PITPNC1: variants seen among roughly 807,000 people sequenced by gnomAD.
PITPNC1 encodes phosphatidylinositol transfer protein cytoplasmic 1, also known as cytoplasmic phosphatidylinositol transfer protein 1.
In PITPNC1, 18 loss-of-function variants were observed where a neutral mutation model predicts 44.7. The observed-to-expected ratio is 0.40, with a 90% CI of 0.28 to 0.60. PITPNC1 has a LOEUF of 0.60. PITPNC1 is among the 20% of genes least tolerant of loss of function. The probability of loss-of-function intolerance (pLI) is 0.39; values close to 1 mark genes in which losing one functional copy is unlikely to be tolerated. For missense variants in PITPNC1, 290 were observed against 418.4 expected, an observed-to-expected ratio of 0.69 and a Z score of 2.68; for synonymous variants, 141 against 149.6, an observed-to-expected ratio of 0.94 and a Z score of 0.42.
intron 4 of PITPNC1, among the ~76,000 whole-genome samples, chr17:67,572,789 C>T (rs2041080588): frequency 1.1e-5 from 1 of 94,896 alleles, no homozygotes; most frequent in African/African-American, 5.0e-5. Flanking sequence ...AGGAAGTTTT[C>T]CAGGGAAGGG....
chr17:67,401,146 G>T (rs1285494463), intron 1 of PITPNC1, among the ~76,000 whole-genome samples: 5 of 152,142 alleles, frequency 3.3e-5, no homozygotes, highest in African/African-American at 1.2e-4. Context: ...TATTGGCCAG[G>T]CTGGTCTCAA....
chr17:67,505,006 T>A (rs1415656663), intron 1 of PITPNC1, among the ~76,000 whole-genome samples: 1 of 152,244 alleles, frequency 6.6e-6, no homozygotes, highest in Non-Finnish European at 1.5e-5. Context: ...CATTGGTTAT[T>A]TGTGTGTGTT....
At chr17:67,648,775 T>C (rs1328087058) in intron 6 of PITPNC1, among the ~76,000 whole-genome samples, 1 of 152,012 alleles carries the variant, frequency 6.6e-6, no homozygotes, top group Non-Finnish European at 1.5e-5. Flanking sequence ...TTGTAGTCAT[T>C]GGGAGTATAC....
At chr17:67,473,222 A>T (rs1006242914) in intron 1 of PITPNC1, among the ~76,000 whole-genome samples, 1 of 151,644 alleles carries the variant, frequency 6.6e-6, no homozygotes, top group Non-Finnish European at 1.5e-5. Context: ...ATTTTTAGAG[A>T]TAGAGTCTCA....
At chr17:67,669,695 G>A (rs374301213) in intron 7 of PITPNC1, 32 bp downstream of exon 7, 72 of 1,524,586 alleles carry the variant, frequency 4.7e-5, no homozygotes, top group Non-Finnish European at 6.0e-5. Context: ...CCTGGGCTGT[G>A]GACAAGGTAA....
chr17:67,387,299 G>A (rs1442762496), intron 1 of PITPNC1, among the ~76,000 whole-genome samples: 1 of 152,092 alleles, frequency 6.6e-6, no homozygotes, highest in Admixed American at 6.6e-5. Flanking sequence ...CAAACTCATG[G>A]GTTTACAAGT....
At chr17:67,442,846 C>T (rs999770417) in intron 1 of PITPNC1, among the ~76,000 whole-genome samples, 2 of 151,910 alleles carry the variant, frequency 1.3e-5, no homozygotes, top group Non-Finnish European at 2.9e-5. Flanking sequence ...CAGAGCAAGA[C>T]TCTGTCCCAG....
intron 1 of PITPNC1, among the ~76,000 whole-genome samples, chr17:67,471,212 T>TAAAAAAAAAATGTAA (rs1481200348): frequency 1.1e-5 from 1 of 94,194 alleles, no homozygotes; most frequent in Non-Finnish European, 2.2e-5. Flanking sequence ...AAAAATAAAT[T>TAAAAAAAAAATGTAA]AAAAAAAAAA....
chr17:67,432,710 T>TAAAAC (rs1182937617), intron 1 of PITPNC1, among the ~76,000 whole-genome samples: 1 of 152,168 alleles, frequency 6.6e-6, no homozygotes, highest in Non-Finnish European at 1.5e-5. Context: ...CATGTAATCC[T>TAAAAC]AAAACAAAAC....
chr17:67,670,476 G>A (rs1360325055), intron 7 of PITPNC1, among the ~76,000 whole-genome samples: 2 of 152,132 alleles, frequency 1.3e-5, no homozygotes, highest in Admixed American at 1.3e-4. Context: ...AGCCAGGTGT[G>A]GTGGCTCATG....
intron 1 of PITPNC1, among the ~76,000 whole-genome samples, chr17:67,390,430 G>C (rs1173024469): frequency 6.6e-6 from 1 of 152,180 alleles, no homozygotes; most frequent in Non-Finnish European, 1.5e-5. Context: ...AAGGAACCTA[G>C]GATTGTTCTG....
At chr17:67,393,088 C>T (rs912043570) in intron 1 of PITPNC1, among the ~76,000 whole-genome samples, 2 of 151,324 alleles carry the variant, frequency 1.3e-5, no homozygotes, top group Admixed American at 1.3e-4. Flanking sequence ...CAAGATCGCA[C>T]CACTGCACTC....
chr17:67,441,879 C>T (rs2039017172), intron 1 of PITPNC1, among the ~76,000 whole-genome samples: 1 of 152,052 alleles, frequency 6.6e-6, no homozygotes, highest in Non-Finnish European at 1.5e-5. Context: ...CTCTTCTTTT[C>T]CACTTAATTA....
chr17:67,484,018 A>G (rs1310277066), intron 1 of PITPNC1, among the ~76,000 whole-genome samples: 3 of 150,144 alleles, frequency 2.0e-5, no homozygotes, highest in Non-Finnish European at 1.5e-5. Flanking sequence ...TCCCAGGTTC[A>G]AGCGATTCTC....
chr17:67,674,495 C>T (rs561236539), intron 7 of PITPNC1, among the ~76,000 whole-genome samples: 13 of 108,496 alleles, frequency 1.2e-4, no homozygotes, highest in African/African-American at 4.0e-4. Context: ...CAGAGCAAGA[C>T]TGTCTCAAAA....
chr17:67,556,880 T>C (rs2040844205), intron 4 of PITPNC1, among the ~76,000 whole-genome samples: 1 of 152,158 alleles, frequency 6.6e-6, no homozygotes, highest in South Asian at 2.1e-4. Context: ...AAGAACTGTG[T>C]TGCATGTAAG....
At chr17:67,674,927 G>T (rs917218999) in intron 7 of PITPNC1, among the ~76,000 whole-genome samples, 8 of 151,114 alleles carry the variant, frequency 5.3e-5, no homozygotes, top group African/African-American at 1.9e-4. Context: ...CAGGAGAATT[G>T]CTTGAACCCT....
At chr17:67,385,848 C>T (rs985224430) in intron 1 of PITPNC1, among the ~76,000 whole-genome samples, 1 of 152,100 alleles carries the variant, frequency 6.6e-6, no homozygotes, top group African/African-American at 2.4e-5. Flanking sequence ...CAGATGCTGT[C>T]CTCCTGGCTG....
At position 67,622,468 on chromosome 17, in the gene PITPNC1, T is replaced by TGA. The variant is rs548857301; in HGVS notation, c.367-9672_367-9671dup. Among the ~76,000 whole-genome samples, 9 of 149,364 alleles carry TGA rather than the reference T, an allele frequency of 6.0e-5. No homozygotes were observed. The South Asian group carries it at 1.9e-3, about 31-fold the overall frequency. On this transcript the variant is annotated intron_variant, in intron 5 of 8. Transcript: ENST00000581322. ...TGTGTAGCTGGGATAATGTTCTCAG[T>TGA]GAGATGACCCATAGAGATGGTTTTC...
Sources: allele counts gnomAD v4.1 joint callset (sites outside exome capture counted in the v4.1 genomes callset), GRCh38; gene constraint gnomAD v4.1.1; transcripts MANE v1.5; gene names NCBI Gene and HGNC (gene_info 2026-07-23, HGNC 2026-07-21).